Variants in RYR2 observed in about 807,000 individuals in gnomAD.
RYR2 encodes the protein cardiac muscle ryanodine receptor-calcium release channel.
Under a neutral mutation model 601.1 loss-of-function variants are expected in RYR2, and 227 were observed. The ratio of observed to expected loss-of-function variants is 0.38; its 90% CI spans 0.34 to 0.42. RYR2 has a LOEUF of 0.42. Ranked by LOEUF, RYR2 falls within the 10% of genes least tolerant of loss-of-function variation. The probability of loss-of-function intolerance (pLI) is 1.00; values close to 1 mark genes in which losing one functional copy is unlikely to be tolerated. For synonymous variants in RYR2, 2,223 were observed against 2,175.1 expected, an observed-to-expected ratio of 1.02 and a Z score of -0.61; for missense variants, 4,646 against 6,156.5, an observed-to-expected ratio of 0.75 and a Z score of 8.21.
intron 2 of RYR2, among the ~76,000 whole-genome samples, chr1:237,283,118 T>C (rs1691073831): frequency 6.6e-6 from 1 of 152,218 alleles, no homozygotes; most frequent in African/African-American, 2.4e-5. Context: ...TGGAAGACCC[T>C]TGCGCGTTCT....
At chr1:237,329,637 G>A (rs995245766) in intron 2 of RYR2, among the ~76,000 whole-genome samples, 4 of 149,536 alleles carry the variant, frequency 2.7e-5, no homozygotes, top group African/African-American at 7.4e-5. Context: ...GTGAGACTCC[G>A]TCTCAAAAAA....
intron 1 of RYR2, among the ~76,000 whole-genome samples, chr1:237,105,337 A>G (rs535666653): frequency 2.4e-4 from 37 of 152,234 alleles, no homozygotes; most frequent in Middle Eastern, 3.4e-3. Flanking sequence ...GATCGTAAGT[A>G]CTCTGGGGGA....
intron 14 of RYR2, among the ~76,000 whole-genome samples, chr1:237,446,778 A>G (rs1157300922): frequency 6.6e-6 from 1 of 152,150 alleles, no homozygotes; most frequent in Non-Finnish European, 1.5e-5. Flanking sequence ...GTAAAGCTTA[A>G]ATCGAATGGG....
chr1:237,419,955 G>A (rs1297863242), intron 11 of RYR2, among the ~76,000 whole-genome samples: 3 of 152,052 alleles, frequency 2.0e-5, no homozygotes, highest in African/African-American at 7.2e-5. Context: ...TCCTGCTTTT[G>A]TTTGTGATAG....
In RYR2 at chr1:237,792,380, T is replaced by C. The variant is rs146659498; in HGVS notation, c.13782+57T>C. 0.44 allele frequency: 366,342 copies of C among 834,344 alleles called. 86,595 individuals are homozygous for C. The highest frequency in any genetic ancestry group is 0.62 in the East Asian group (21,892 of 35,046). The allele number at this position is 834,344 out of a possible 1,614,324, so 51.7% of individuals were successfully genotyped here. ...GTGTGTGTGTGTGTGTGTGTGTGTG[T>C]GCGTGTGTGTGTGTGTGCGTGTGTG... On this transcript the variant is annotated intron_variant, in intron 94 of 104. Transcript: ENST00000366574.
At chr1:237,187,094 A>G (rs1431881472) in intron 1 of RYR2, among the ~76,000 whole-genome samples, 1 of 152,122 alleles carries the variant, frequency 6.6e-6, no homozygotes, top group Non-Finnish European at 1.5e-5. Flanking sequence ...AAGTGAATCA[A>G]TGGGACAGTT....
At chr1:237,690,005 C>G (rs192207330) in intron 63 of RYR2, among the ~76,000 whole-genome samples, 1 of 151,974 alleles carries the variant, frequency 6.6e-6, no homozygotes, top group African/African-American at 2.4e-5. Context: ...CCACCACACA[C>G]GGCTAATTTT....
At chr1:237,434,262 G>T (rs2150113970) in intron 12 of RYR2, among the ~76,000 whole-genome samples, 1 of 152,230 alleles carries the variant, frequency 6.6e-6, no homozygotes, top group South Asian at 2.1e-4. Flanking sequence ...TTCCTCAATT[G>T]TCATTGGGGT....
intron 1 of RYR2, among the ~76,000 whole-genome samples, chr1:237,256,659 T>C (rs570125465): frequency 1.7e-4 from 26 of 152,210 alleles, no homozygotes; most frequent in African/African-American, 2.7e-4. Flanking sequence ...AATAACTTTG[T>C]TTTATCAAGT....
intron 1 of RYR2, among the ~76,000 whole-genome samples, chr1:237,235,319 G>T (rs1221084818): frequency 6.6e-6 from 1 of 152,168 alleles, no homozygotes; most frequent in Non-Finnish European, 1.5e-5. Flanking sequence ...TACTGAGTTG[G>T]CATCTAGCCT....
rs773234578 is a variant in RYR2, at chr1:237,726,231, G to T, written c.10690-42G>T. The T allele has an allele frequency of 5.2e-6, 7 of 1,335,796 alleles. No individual in the cohort carries two copies. In the East Asian group the frequency reaches 7.3e-5, roughly 14 times the overall value. 82.7% of individuals were successfully genotyped at this position (1,335,796 alleles called of 1,614,324 possible). A position where few individuals can be genotyped will look rare whatever the true frequency, so the allele number is the denominator to read the frequency against. On this transcript the variant is annotated intron_variant, in intron 74 of 104. Coordinates refer to ENST00000366574, the MANE Select transcript of RYR2 (RefSeq NM_001035.3). ...TTTACTGCAAAGGATAATAAATGTA[G>T]TTTTACTTTTTTAGCTAACATAACA...
chr1:237,653,574 C>T (rs557770142), intron 51 of RYR2, among the ~76,000 whole-genome samples: 3 of 152,202 alleles, frequency 2.0e-5, no homozygotes, highest in African/African-American at 2.4e-5. Context: ...GTGTCTTAGC[C>T]GGGGTTCTCT....
At chr1:237,811,293 A>G (rs983822805) in intron 100 of RYR2, among the ~76,000 whole-genome samples, 3 of 152,184 alleles carry the variant, frequency 2.0e-5, no homozygotes, top group Admixed American at 6.5e-5. Flanking sequence ...ACTCGATGTT[A>G]CATTTTGATC....
chr1:237,194,338 A>G (rs1464830196), intron 1 of RYR2, among the ~76,000 whole-genome samples: 1 of 152,290 alleles, frequency 6.6e-6, no homozygotes, highest in Non-Finnish European at 1.5e-5. Flanking sequence ...TAATGAATTC[A>G]TTATTTATAA....
At chr1:237,435,747 A>G (rs1183682527) in intron 12 of RYR2, among the ~76,000 whole-genome samples, 1 of 152,262 alleles carries the variant, frequency 6.6e-6, no homozygotes, top group East Asian at 1.9e-4. Flanking sequence ...TAGATGACAC[A>G]GAAATACATA....
chr1:237,119,833 A>G (rs2148641209), intron 1 of RYR2, among the ~76,000 whole-genome samples: 1 of 152,296 alleles, frequency 6.6e-6, no homozygotes, highest in Non-Finnish European at 1.5e-5. Flanking sequence ...ACCTTCAATC[A>G]CTGCATCTCA....
At chr1:237,125,342 A>G (rs1034154094) in intron 1 of RYR2, among the ~76,000 whole-genome samples, 2 of 151,358 alleles carry the variant, frequency 1.3e-5, no homozygotes, top group Non-Finnish European at 2.9e-5. Flanking sequence ...GAGCCGTGTG[A>G]GTTTGGTGTG....
intron 2 of RYR2, among the ~76,000 whole-genome samples, chr1:237,287,091 G>A (rs1691653222): frequency 1.3e-5 from 2 of 152,188 alleles, no homozygotes; most frequent in South Asian, 2.1e-4. Flanking sequence ...GCTTAGTTTT[G>A]CTGGATACAA....
At chr1:237,084,962 T>A (rs1283539239) in intron 1 of RYR2, among the ~76,000 whole-genome samples, 1 of 152,228 alleles carries the variant, frequency 6.6e-6, no homozygotes. Context: ...AAATGCTGAA[T>A]AATGATAGGA....
Sources: allele counts gnomAD v4.1 joint callset (sites outside exome capture counted in the v4.1 genomes callset), GRCh38; gene constraint gnomAD v4.1.1; transcripts MANE v1.5; gene names NCBI Gene and HGNC (gene_info 2026-07-23, HGNC 2026-07-21).